HHAT: variants seen among roughly 807,000 people sequenced by gnomAD.
The protein encoded by HHAT is protein-cysteine N-palmitoyltransferase HHAT.
Under a neutral mutation model 70.8 loss-of-function variants are expected in HHAT, and 47 were observed. The observed-to-expected ratio is 0.66, with a 90% CI of 0.53 to 0.85. The LOEUF (loss-of-function observed/expected upper bound fraction) is 0.85. Ranked by LOEUF, HHAT falls within the 40% of genes least tolerant of loss-of-function variation. The pLI, the probability that HHAT is intolerant of heterozygous loss-of-function variation, is 0.00. For missense variants in HHAT, 609 were observed against 604.8 expected (o/e 1.01, Z -0.07); for synonymous variants, 228 against 247.6 (o/e 0.92, Z 0.74).
intron 8 of HHAT, among the ~76,000 whole-genome samples, chr1:210,489,537 A>G (rs904880180): frequency 2.6e-5 from 4 of 152,140 alleles, no homozygotes; most frequent in African/African-American, 7.2e-5. Flanking sequence ...CCACGTTGTT[A>G]TTATTTTTGC....
chr1:210,387,864 TC>T (rs2091200113), intron 4 of HHAT, among the ~76,000 whole-genome samples: 1 of 152,172 alleles, frequency 6.6e-6, no homozygotes, highest in South Asian at 2.1e-4. Flanking sequence ...AATCAAATGA[TC>T]AAAAAGTTGC....
rs1191260845 is a variant in HHAT, at chr1:210,447,040, AAAC to A, written c.857-17464_857-17462del. Among the ~76,000 whole-genome samples, 17 of 152,194 alleles carry A rather than the reference AAAC, an allele frequency of 1.1e-4. No individual in the cohort carries two copies. In the East Asian group the frequency reaches 3.3e-3, roughly 29 times the overall value. ...TATGAGTAGTGCAGCGGGTCAGGCTAAACCCCTTTATAGGTTGTTAAAAGCAAG... is the reference window on the plus strand; with the variant it reads ...TATGAGTAGTGCAGCGGGTCAGGCTACCCTTTATAGGTTGTTAAAAGCAAG... On this transcript the variant is annotated intron_variant, in intron 7 of 11. Coordinates refer to ENST00000261458, the MANE Select transcript of HHAT (RefSeq NM_018194.6).
At chr1:210,449,607 G>A (rs1487843230) in intron 7 of HHAT, among the ~76,000 whole-genome samples, 1 of 152,176 alleles carries the variant, frequency 6.6e-6, no homozygotes, top group Non-Finnish European at 1.5e-5. Context: ...GCCTCCCTCT[G>A]CTCCTTCATG....
At chr1:210,563,259 A>C (rs2095640621) in intron 9 of HHAT, among the ~76,000 whole-genome samples, 1 of 152,196 alleles carries the variant, frequency 6.6e-6, no homozygotes, top group African/African-American at 2.4e-5. Context: ...AAATATAGCT[A>C]AGAAAATGAA....
At chr1:210,673,354 T>TA (rs538594507) in intron 11 of HHAT, among the ~76,000 whole-genome samples, 13,691 of 147,724 alleles carry the variant, frequency 0.093, 690 homozygotes, top group Middle Eastern at 0.12. Context: ...ACTACAAGTT[T>TA]AAAAAAAAAA....
intron 10 of HHAT, among the ~76,000 whole-genome samples, chr1:210,609,205 T>G (rs961602088): frequency 4.6e-5 from 7 of 152,190 alleles, no homozygotes; most frequent in Non-Finnish European, 8.8e-5. Flanking sequence ...GTTCAAAATT[T>G]AGGTAATTTA....
chr1:210,614,710 C>T (rs1667312923), intron 10 of HHAT, among the ~76,000 whole-genome samples: 1 of 152,108 alleles, frequency 6.6e-6, no homozygotes, highest in Non-Finnish European at 1.5e-5. Context: ...TGGTTTCCAG[C>T]TTCATCCATG....
intron 2 of HHAT, among the ~76,000 whole-genome samples, chr1:210,353,284 AG>A (rs1286899069): frequency 2.0e-5 from 3 of 152,140 alleles, no homozygotes; most frequent in African/African-American, 7.2e-5. Flanking sequence ...ATGCATCAGA[AG>A]GCTTGTGTGA....
chr1:210,654,931 C>G (rs889049988), intron 11 of HHAT, among the ~76,000 whole-genome samples: 1 of 152,194 alleles, frequency 6.6e-6, no homozygotes, highest in Non-Finnish European at 1.5e-5. Context: ...AAATTCAGAT[C>G]TAAGCCATAG....
At chr1:210,559,318 A>G (rs754525730) in intron 9 of HHAT, among the ~76,000 whole-genome samples, 1 of 152,212 alleles carries the variant, frequency 6.6e-6, no homozygotes, top group South Asian at 2.1e-4. Context: ...ATTTTAAATA[A>G]ACAGTTTAAT....
chr1:210,333,074 A>G (rs1319421659), intron 1 of HHAT, among the ~76,000 whole-genome samples: 1 of 152,208 alleles, frequency 6.6e-6, no homozygotes, highest in African/African-American at 2.4e-5. Flanking sequence ...TCGGATTCTG[A>G]CTGAAAGCCT....
At chr1:210,577,220 T>C (rs1397996939) in intron 9 of HHAT, among the ~76,000 whole-genome samples, 1 of 152,204 alleles carries the variant, frequency 6.6e-6, no homozygotes, top group Non-Finnish European at 1.5e-5. Flanking sequence ...CAATACTATG[T>C]TGAAAAGATG....
At chr1:210,670,520 A>G (rs1679856468) in intron 11 of HHAT, among the ~76,000 whole-genome samples, 1 of 152,232 alleles carries the variant, frequency 6.6e-6, no homozygotes, top group Non-Finnish European at 1.5e-5. Flanking sequence ...GCTCAGGGAC[A>G]GTACCTAACT....
chr1:210,558,257 G>C (rs1363739699), intron 9 of HHAT, among the ~76,000 whole-genome samples: 1 of 152,186 alleles, frequency 6.6e-6, no homozygotes, highest in Non-Finnish European at 1.5e-5. Flanking sequence ...AAAACCTAGT[G>C]GTCTCAGTGT....
intron 8 of HHAT, among the ~76,000 whole-genome samples, chr1:210,512,064 C>G (rs573914082): frequency 7.9e-5 from 12 of 152,174 alleles, no homozygotes; most frequent in African/African-American, 2.9e-4. Context: ...ATGGACTGTA[C>G]CAGTTTCGTG....
intron 1 of HHAT, among the ~76,000 whole-genome samples, chr1:210,334,071 C>T (rs2085243463): frequency 6.6e-6 from 1 of 151,736 alleles, no homozygotes; most frequent in African/African-American, 2.4e-5. Context: ...CCCCTGAATT[C>T]TCTCTATGGA....
intron 9 of HHAT, among the ~76,000 whole-genome samples, chr1:210,542,586 C>T (rs896738589): frequency 2.0e-5 from 3 of 151,686 alleles, no homozygotes; most frequent in African/African-American, 7.3e-5. Context: ...TTGCTTGAGG[C>T]CAGGAGTTGA....
intron 2 of HHAT, among the ~76,000 whole-genome samples, chr1:210,349,926 C>T (rs1253514722): frequency 6.6e-6 from 1 of 152,188 alleles, no homozygotes; most frequent in Non-Finnish European, 1.5e-5. Context: ...GCTGGGATTA[C>T]AGGCGTGAGC....
intron 7 of HHAT, among the ~76,000 whole-genome samples, chr1:210,447,920 G>T (rs1269758828): frequency 6.6e-6 from 1 of 152,124 alleles, no homozygotes; most frequent in Non-Finnish European, 1.5e-5. Flanking sequence ...ACAAAGCGGA[G>T]GACCCAGACC....
Sources: gnomAD v4.1 joint callset for allele counts (sites outside exome capture counted in the v4.1 genomes callset) on GRCh38, gnomAD v4.1.1 for gene constraint, MANE v1.5 for transcripts, NCBI Gene and HGNC (gene_info 2026-07-23, HGNC 2026-07-21) for gene names.